The following ZNF516 variants were observed in gnomAD, a reference collection of about 807,000 sequenced individuals.
The protein encoded by ZNF516 is zinc finger protein 516.
Under a neutral mutation model 79.7 loss-of-function variants are expected in ZNF516, and 19 were observed. The observed-to-expected ratio is 0.24, with a 90% CI of 0.17 to 0.35. ZNF516 has a LOEUF of 0.35. ZNF516 is among the 10% of genes least tolerant of loss of function. The pLI is 1.00. For synonymous variants in ZNF516, 877 were observed against 739.5 expected, an observed-to-expected ratio of 1.19 and a Z score of -3.02; for missense variants, 1,678 against 1,679.5, an observed-to-expected ratio of 1.00 and a Z score of 0.02.
intron 2 of ZNF516, among the ~76,000 whole-genome samples, chr18:76,462,768 T>C (rs1913204629): frequency 6.6e-6 from 1 of 152,256 alleles, no homozygotes; most frequent in Non-Finnish European, 1.5e-5. Flanking sequence ...TTACACTGGC[T>C]GTTTTTCAGC....
At chr18:76,449,238 T>TCA (rs1392365793) in intron 2 of ZNF516, among the ~76,000 whole-genome samples, 2 of 152,140 alleles carry the variant, frequency 1.3e-5, no homozygotes, top group African/African-American at 4.8e-5. Flanking sequence ...GCCAAACTCT[T>TCA]CACCTTGGCT....
chr18:76,472,597 C>T (rs1913912072), intron 1 of ZNF516, among the ~76,000 whole-genome samples: 1 of 152,262 alleles, frequency 6.6e-6, no homozygotes, highest in African/African-American at 2.4e-5. Flanking sequence ...CTCTCCTGGG[C>T]TCTGACCCAC....
chr18:76,442,624 G>C lies in ZNF516; in HGVS notation c.431C>G (p.Ser144Trp). 6.3e-7 allele frequency: 1 copy of C among 1,595,892 alleles called. No individual in the cohort carries two copies. The highest frequency in any genetic ancestry group is 8.5e-7 in the Non-Finnish European group (1 of 1,177,936). ...ADGARVLNGASQADSGRVLLR... is the reference protein window; with the variant it reads ...ADGARVLNGAWQADSGRVLLR... ...CAGGACTCTGCCGCTGTCGGCCTGC[G>C]AGGCCCCGTTCAGGACCCTGGCGCC... The change falls in exon 3 of 7, where the codon TCG (serine) becomes TGG (tryptophan). Residue 144 changes from serine (S) to tryptophan (W), a missense_variant. Ser to Trp is a radical substitution (Grantham distance 177). Transcript: ENST00000443185.
intron 3 of ZNF516, among the ~76,000 whole-genome samples, chr18:76,426,944 G>A (rs1350907939): frequency 4.6e-5 from 7 of 152,174 alleles, no homozygotes; most frequent in South Asian, 2.1e-4. Context: ...GAACCGAGGC[G>A]GGGTCCTTTC....
chr18:76,440,945 C>A (rs545152089), intron 3 of ZNF516, among the ~76,000 whole-genome samples: 23 of 152,298 alleles, frequency 1.5e-4, no homozygotes, highest in African/African-American at 5.3e-4. Flanking sequence ...CTGAAAGGGG[C>A]TCCAAGGGGA....
intron 3 of ZNF516, among the ~76,000 whole-genome samples, chr18:76,389,960 T>C (rs1323695153): frequency 6.6e-6 from 1 of 152,196 alleles, no homozygotes; most frequent in Non-Finnish European, 1.5e-5. Context: ...TTTTATTACA[T>C]GAGGCAGTAT....
At chr18:76,457,806 T>A (rs1451134795) in intron 2 of ZNF516, among the ~76,000 whole-genome samples, 1 of 152,194 alleles carries the variant, frequency 6.6e-6, no homozygotes, top group Non-Finnish European at 1.5e-5. Flanking sequence ...TAATCAACAT[T>A]TTTTTAAACC....
At chr18:76,483,664 T>C (rs1914661111) in intron 1 of ZNF516, among the ~76,000 whole-genome samples, 1 of 152,212 alleles carries the variant, frequency 6.6e-6, no homozygotes. Context: ...CCTTTCCCTA[T>C]GATTTTTTGG....
chr18:76,369,747 C>G (rs1429092883), intron 6 of ZNF516, among the ~76,000 whole-genome samples: 5 of 152,136 alleles, frequency 3.3e-5, no homozygotes, highest in Non-Finnish European at 5.9e-5. Context: ...AAACTCTTTC[C>G]TCAATGACAA....
chr18:76,438,336 C>T (rs1285896629), intron 3 of ZNF516, among the ~76,000 whole-genome samples: 1 of 152,234 alleles, frequency 6.6e-6, no homozygotes, highest in African/African-American at 2.4e-5. Flanking sequence ...GTGATGGTTT[C>T]TAAGCTCCCT....
intron 1 of ZNF516, among the ~76,000 whole-genome samples, chr18:76,479,337 G>A (rs1350020880): frequency 6.6e-6 from 1 of 152,170 alleles, no homozygotes; most frequent in Non-Finnish European, 1.5e-5. Flanking sequence ...GAAATTGTTC[G>A]GGAAAAGAAT....
At chr18:76,413,734 T>C (rs1208456923) in intron 3 of ZNF516, among the ~76,000 whole-genome samples, 2 of 152,196 alleles carry the variant, frequency 1.3e-5, no homozygotes, top group African/African-American at 4.8e-5. Context: ...AGGGGTTCAA[T>C]GTGACTGTAT....
At chr18:76,449,175 G>A (rs573953266) in intron 2 of ZNF516, among the ~76,000 whole-genome samples, 2 of 152,124 alleles carry the variant, frequency 1.3e-5, no homozygotes, top group Admixed American at 6.5e-5. Context: ...AGATGGGGCC[G>A]GTCTCCACCA....
rs1043001839 is a variant in ZNF516 at position 76,359,326 on chromosome 18, G to A, written c.*3172C>T. On this transcript the variant is annotated 3_prime_UTR_variant, in exon 7 of 7. Coordinates refer to ENST00000443185, the MANE Select transcript of ZNF516 (RefSeq NM_014643.4). ...TTTGAAGCCAAATCTGTATGGTGCT[G>A]AGAATGAAATCTGTCCGTCTAAGAT... The A allele has an allele frequency of 1.7e-4, 26 of 152,348 alleles. No individual in the cohort carries two copies. The highest frequency in any genetic ancestry group is 6.3e-4 in the African/African-American group (26 of 41,588). The allele number at this position is 152,348 out of a possible 1,614,324, so 9.4% of individuals were successfully genotyped here.
chr18:76,424,494 G>A (rs537559948), intron 3 of ZNF516, among the ~76,000 whole-genome samples: 13 of 138,112 alleles, frequency 9.4e-5, no homozygotes, highest in East Asian at 2.3e-4. Flanking sequence ...TGAAACACAC[G>A]CAGGTGAAAA....
At chr18:76,385,652 C>G (rs2074975904) in intron 3 of ZNF516, 1 of 152,216 alleles carries the variant, frequency 6.6e-6, no homozygotes, top group Admixed American at 6.5e-5. Flanking sequence ...GAAAAATAAA[C>G]AGGACCCCAG....
chr18:76,439,391 C>T (rs1328158218), intron 3 of ZNF516, among the ~76,000 whole-genome samples: 1 of 152,234 alleles, frequency 6.6e-6, no homozygotes, highest in African/African-American at 2.4e-5. Context: ...CCATAAATTT[C>T]TGTCCTCTCT....
At chr18:76,392,018 G>A (rs973735915) in intron 3 of ZNF516, among the ~76,000 whole-genome samples, 5 of 152,208 alleles carry the variant, frequency 3.3e-5, no homozygotes, top group African/African-American at 7.2e-5. Context: ...GGCTCACAAC[G>A]CCGCCCCTGG....
intron 6 of ZNF516, among the ~76,000 whole-genome samples, chr18:76,363,293 T>C (rs2074565384): frequency 1.3e-5 from 2 of 152,156 alleles, no homozygotes; most frequent in Admixed American, 1.3e-4. Context: ...CTTGATGAAG[T>C]GAAACTGACC....
Sources: allele counts gnomAD v4.1 joint callset (sites outside exome capture counted in the v4.1 genomes callset), GRCh38; gene constraint gnomAD v4.1.1; transcripts MANE v1.5; gene names NCBI Gene and HGNC (gene_info 2026-07-23, HGNC 2026-07-21).